PTPRU: variants seen among roughly 807,000 people sequenced by gnomAD.
PTPRU encodes the protein receptor-type tyrosine-protein phosphatase U.
Under a neutral mutation model 166.3 loss-of-function variants are expected in PTPRU, and 69 were observed. The ratio of observed to expected loss-of-function variants is 0.41; its 90% CI spans 0.34 to 0.51. The LOEUF is 0.51. Ranked by LOEUF, PTPRU falls within the 20% of genes least tolerant of loss-of-function variation. PTPRU has a pLI of 0.09. For missense variants in PTPRU, 1,657 were observed against 2,013.7 expected, an observed-to-expected ratio of 0.82 and a Z score of 3.39; for synonymous variants, 793 against 814.0, an observed-to-expected ratio of 0.97 and a Z score of 0.44.
chr1:29,262,443 G>C (rs1289067168), intron 7 of PTPRU, among the ~76,000 whole-genome samples: 1 of 152,186 alleles, frequency 6.6e-6, no homozygotes, highest in Non-Finnish European at 1.5e-5. Context: ...CTTGAGGCTT[G>C]AAAAGGTGAG....
Position 29,303,936 on chromosome 1 carries a change from C to T in PTPRU, c.2558C>T (p.Ser853Phe). ...AGGCGTCCCTGTGGCCGGAAGGGCT[C>T]CCCATACCACACGGGGCAGCTGCAC... is the stretch of plus-strand genomic sequence containing the variant. ...SPRRPCGRKG[S>F]PYHTGQLHPA... is the part of the protein sequence containing the mutation. The change falls in exon 16 of 30, where the codon TCC (serine) becomes TTC (phenylalanine). Residue 853 changes from serine to phenylalanine, a missense_variant. Physicochemically the swap from Ser to Phe is radical, Grantham distance 155. Around this residue, in one of 3 missense-constraint regions of PTPRU, gnomAD observed 1,190 missense variants for 1,477.4 expected, o/e 0.81. Transcript: ENST00000373779. 2 of 1,614,070 alleles carry T rather than the reference C, an allele frequency of 1.2e-6. No homozygotes were observed. Among genetic ancestry groups the T allele is most frequent in the Non-Finnish European group, 1.7e-6 (2 of 1,179,904 alleles).
intron 18 of PTPRU, chr1:29,307,213 A>C: frequency 1.4e-5 from 21 of 1,544,502 alleles, no homozygotes; most frequent in Non-Finnish European, 1.9e-5. Flanking sequence ...GCTGTATCTC[A>C]GACTCTCTCA....
At chr1:29,310,827 C>G (rs778478707) in intron 19 of PTPRU, 47 bp downstream of exon 19, 1 of 1,589,656 alleles carries the variant, frequency 6.3e-7, no homozygotes, top group South Asian at 1.1e-5. Context: ...TGCCTCCCAG[C>G]GTGCTGGAAT....
At position 29,236,856 on chromosome 1, in the gene PTPRU, T is replaced by C. The variant is rs1346375612; in HGVS notation, c.73+139T>C. 14 of 825,870 alleles carry C rather than the reference T, an allele frequency of 1.7e-5. No homozygotes were observed. Among genetic ancestry groups the C allele is most frequent in the African/African-American group, 3.6e-5 (2 of 55,210 alleles). 51.2% of individuals were successfully genotyped at this position (825,870 alleles called of 1,614,324 possible). A position where few individuals can be genotyped will look rare whatever the true frequency, so the allele number is the denominator to read the frequency against. ...GTGTGTCTGAGCGTAGGATGGGCGA[T>C]TGTGTGCCCGGGGTGTTGCGTGACT... On this transcript the variant is annotated intron_variant, in intron 1 of 29. Coordinates refer to ENST00000373779, the MANE Select transcript of PTPRU (RefSeq NM_133178.4). This position sits in a 1 kb window ranked among gnomAD's most constrained non-coding sequence, Gnocchi z 4.6.
chr1:29,305,250 G>A, intron 17 of PTPRU, 102 bp from the exon 18 acceptor site: 2 of 1,135,498 alleles, frequency 1.8e-6, no homozygotes, highest in Non-Finnish European at 2.6e-6. Context: ...TTCCCTGGCT[G>A]CCCTGCCTGT....
At chr1:29,264,420 T>A (rs1444366075) in intron 7 of PTPRU, among the ~76,000 whole-genome samples, 2 of 152,158 alleles carry the variant, frequency 1.3e-5, no homozygotes, top group Non-Finnish European at 2.9e-5. Context: ...TTCTAATAGT[T>A]TTATAGTGTC....
At chr1:29,270,576 A>G (rs1478679639) in intron 7 of PTPRU, among the ~76,000 whole-genome samples, 3 of 152,160 alleles carry the variant, frequency 2.0e-5, no homozygotes, top group Non-Finnish European at 4.4e-5. Context: ...CTGAGATTAC[A>G]GGCATGAGCT....
At chr1:29,281,655 A>G (rs1686087715) in intron 11 of PTPRU, among the ~76,000 whole-genome samples, 1 of 152,216 alleles carries the variant, frequency 6.6e-6, no homozygotes, top group Non-Finnish European at 1.5e-5. Context: ...GCCTGACCTT[A>G]GCCTGGGGCA....
chr1:29,296,071 C>T (rs1401730371), intron 15 of PTPRU, among the ~76,000 whole-genome samples: 1 of 152,184 alleles, frequency 6.6e-6, no homozygotes, highest in Non-Finnish European at 1.5e-5. Flanking sequence ...GTTAAAGGAT[C>T]TGTGAATATC....
chr1:29,305,141 C>G (rs896494155), intron 17 of PTPRU, among the ~76,000 whole-genome samples: 1 of 152,204 alleles, frequency 6.6e-6, no homozygotes, highest in Non-Finnish European at 1.5e-5. Context: ...GCAGCATACA[C>G]TCTTAGGCCT....
At chr1:29,290,490 C>G (rs551283532) in intron 14 of PTPRU, among the ~76,000 whole-genome samples, 9 of 152,354 alleles carry the variant, frequency 5.9e-5, no homozygotes, top group African/African-American at 2.2e-4. Context: ...TTCTACTCTG[C>G]AAGCCTTCTG....
In PTPRU at chr1:29,259,472, C is replaced by T. The variant is rs1227748160; in HGVS notation, c.583C>T (p.Leu195=). The change falls in exon 5 of 30, where the codon CTG becomes TTG. Residue 195 remains leucine, a synonymous_variant. Transcript: ENST00000373779. ...AGCAAAGGCCCCACACTTCTCCCGC[C>T]TGGGCGACGTGGAGGTCAACGCGGG... ...PCAKAPHFSR[L]GDVEVNAGQN... is the part of the protein sequence containing the mutation. 1 of 1,612,146 alleles carries T rather than the reference C, an allele frequency of 6.2e-7. No homozygotes were observed. Among genetic ancestry groups the T allele is most frequent in the Admixed American group, 1.7e-5 (1 of 59,956 alleles).
intron 15 of PTPRU, among the ~76,000 whole-genome samples, chr1:29,297,777 G>A (rs1686959705): frequency 6.6e-6 from 1 of 152,222 alleles, no homozygotes; most frequent in Non-Finnish European, 1.5e-5. Flanking sequence ...ATGAGTTGGG[G>A]AGTCAGGACT....
At chr1:29,316,176 GGTGTGTGTGTGTGTGTCT>G in intron 24 of PTPRU, 25 bp downstream of exon 24, 1 of 1,578,080 alleles carries the variant, frequency 6.3e-7, no homozygotes, top group Non-Finnish European at 8.7e-7. Flanking sequence ...CGTGTGTATA[GGTGTGTGTGTGTGTGTCT>G]GTGTGTGTGT....
chr1:29,259,393 G>T, intron 4 of PTPRU, 51 bp downstream of exon 4: 1 of 1,609,184 alleles, frequency 6.2e-7, no homozygotes, highest in South Asian at 1.1e-5. Context: ...GGGCGGCCGC[G>T]GCTCCTGCCT....
rs1393583451 is a variant in PTPRU, at chr1:29,257,541, C to G, written c.206-964C>G. Among the ~76,000 whole-genome samples, 1 of 152,212 alleles carries G rather than the reference C, an allele frequency of 6.6e-6. No homozygotes were observed. Among genetic ancestry groups the G allele is most frequent in the Non-Finnish European group, 1.5e-5 (1 of 68,038 alleles). On this transcript the variant is annotated intron_variant, in intron 2 of 29. Transcript: ENST00000373779. This position sits in a 1 kb window ranked among gnomAD's most constrained non-coding sequence, Gnocchi z 4.6. ...GGTCCTGAGCCAGCCTAGTCCACTTCTACTCCACCAGTACCCAGCCTGGGT... is the reference window on the plus strand; with the variant it reads ...GGTCCTGAGCCAGCCTAGTCCACTTGTACTCCACCAGTACCCAGCCTGGGT...
chr1:29,303,610 G>A (rs147599567), intron 15 of PTPRU, among the ~76,000 whole-genome samples: 40 of 152,310 alleles, frequency 2.6e-4, no homozygotes, highest in African/African-American at 9.4e-4. Context: ...AGGCAGGGCC[G>A]CAAGGGCCCT....
At chr1:29,322,561 G>A (rs1688205910) in intron 26 of PTPRU, among the ~76,000 whole-genome samples, 1 of 152,124 alleles carries the variant, frequency 6.6e-6, no homozygotes, top group African/African-American at 2.4e-5. Context: ...AACGCACAGG[G>A]TTGCCAGGAC....
At chr1:29,272,548 T>A (rs1382470759) in intron 7 of PTPRU, among the ~76,000 whole-genome samples, 1 of 152,192 alleles carries the variant, frequency 6.6e-6, no homozygotes, top group Non-Finnish European at 1.5e-5. Context: ...AGGAGCAGCC[T>A]GGGCGAATGC....
Sources: allele counts gnomAD v4.1 joint callset (sites outside exome capture counted in the v4.1 genomes callset), GRCh38; gene constraint gnomAD v4.1.1; regional missense constraint gnomAD v4.1.1; non-coding constraint Gnocchi (gnomAD v3.1); transcripts MANE v1.5; gene names NCBI Gene and HGNC (gene_info 2026-07-23, HGNC 2026-07-21).